Variants in SYNPO2 observed in about 807,000 individuals in gnomAD.
SYNPO2 encodes synaptopodin 2.
SYNPO2 carries 56 observed loss-of-function variants against 85.0 expected under a neutral mutation model. The ratio of observed to expected loss-of-function variants is 0.66; its 90% CI spans 0.53 to 0.82. The LOEUF (loss-of-function observed/expected upper bound fraction) is 0.82, where lower values mean the gene tolerates loss of function less well. Among genes scored for constraint, SYNPO2 ranks in the 40% least tolerant of loss-of-function variants. SYNPO2 has a pLI of 0.00. For missense variants in SYNPO2, 1,575 were observed against 1,534.2 expected, an observed-to-expected ratio of 1.03 and a Z score of -0.44; for synonymous variants, 602 against 591.1, an observed-to-expected ratio of 1.02 and a Z score of -0.27.
At chr4:118,888,831 C>T, upstream of SYNPO2, 2 of 597,650 alleles carry the variant, frequency 3.3e-6, no homozygotes, top group South Asian at 2.0e-5. Context: ...GCCTCTGCCT[C>T]CTTGAGAATG....
intron 1 of SYNPO2, among the ~76,000 whole-genome samples, chr4:118,893,268 G>A (rs938772421): frequency 3.3e-5 from 5 of 152,130 alleles, no homozygotes; most frequent in Admixed American, 1.3e-4. Context: ...ATATTTTAAG[G>A]GAGGTTTCTG....
At chr4:118,907,664 C>T (rs1235307826) in intron 1 of SYNPO2, among the ~76,000 whole-genome samples, 2 of 151,976 alleles carry the variant, frequency 1.3e-5, no homozygotes, top group African/African-American at 2.4e-5. Flanking sequence ...TACTGTAAAC[C>T]CCTAAAATAA....
rs554854863 is a variant in SYNPO2, at chr4:118,940,238, G to A, written c.105+51097G>A. Among the ~76,000 whole-genome samples, 4 of 152,066 alleles carry A rather than the reference G, an allele frequency of 2.6e-5. No homozygotes were observed. In the South Asian group the frequency reaches 8.3e-4, roughly 32 times the overall value. ...CGACCTCATGATCCGTCCGTCTCAT[G>A]ATCCTCCCAAAGTGGTGGGATTACA... On this transcript the variant is annotated intron_variant, in intron 1 of 4. Coordinates refer to ENST00000307142, the MANE Select transcript of SYNPO2 (RefSeq NM_133477.3).
chr4:118,946,592 GC>G (rs1734513341), intron 1 of SYNPO2, among the ~76,000 whole-genome samples: 1 of 152,174 alleles, frequency 6.6e-6, no homozygotes, highest in African/African-American at 2.4e-5. Flanking sequence ...CTCGTTCTCT[GC>G]TGTATTCTAA....
At chr4:118,998,316 C>G (rs577325622) in intron 1 of SYNPO2, among the ~76,000 whole-genome samples, 1 of 152,272 alleles carries the variant, frequency 6.6e-6, no homozygotes, top group South Asian at 2.1e-4. Context: ...GTGAAACACA[C>G]TTTAAGGGCA....
chr4:119,042,911 A>C (rs1738758879), intron 4 of SYNPO2: 1 of 152,228 alleles, frequency 6.6e-6, no homozygotes, highest in Non-Finnish European at 1.5e-5. Context: ...ATGTTTGTAC[A>C]TTTACCAGTG....
intron 1 of SYNPO2, among the ~76,000 whole-genome samples, chr4:118,927,762 T>TG (rs1560874432): frequency 1.4e-4 from 11 of 79,998 alleles, no homozygotes; most frequent in Middle Eastern, 8.1e-3. Context: ...TAGATAGATA[T>TG]ATAGATAGAT....
chr4:119,017,966 A>G (rs1737582694), intron 1 of SYNPO2, among the ~76,000 whole-genome samples: 1 of 152,206 alleles, frequency 6.6e-6, no homozygotes, highest in Admixed American at 6.5e-5. Flanking sequence ...TGAAGAGAGA[A>G]CAACACAAGA....
chr4:119,009,468 T>C (rs1737208526), intron 1 of SYNPO2, among the ~76,000 whole-genome samples: 1 of 152,224 alleles, frequency 6.6e-6, no homozygotes. Flanking sequence ...GTTAATAATA[T>C]GGTTCCTTGT....
chr4:118,975,271 A>T (rs1336791157), intron 1 of SYNPO2, among the ~76,000 whole-genome samples: 1 of 152,206 alleles, frequency 6.6e-6, no homozygotes, highest in East Asian at 1.9e-4. Context: ...AGATCCCAAA[A>T]TCTATGTAGT....
intron 4 of SYNPO2, chr4:119,033,694 AT>A (rs1362437697): frequency 2.0e-6 from 2 of 985,282 alleles, no homozygotes; most frequent in Non-Finnish European, 2.4e-6. Flanking sequence ...AATCTGCTAT[AT>A]TTTTCACTAT....
At chr4:119,045,021 T>C (rs1395569396) in intron 4 of SYNPO2, among the ~76,000 whole-genome samples, 1 of 152,220 alleles carries the variant, frequency 6.6e-6, no homozygotes, top group Admixed American at 6.5e-5. Context: ...AATGTTATTG[T>C]GCAGAGGCCA....
intron 1 of SYNPO2, among the ~76,000 whole-genome samples, chr4:118,874,521 G>A (rs984488274): frequency 6.6e-6 from 1 of 152,164 alleles, no homozygotes; most frequent in African/African-American, 2.4e-5. Flanking sequence ...ATACAACTGT[G>A]CATCTGATAT....
intron 1 of SYNPO2, among the ~76,000 whole-genome samples, chr4:118,879,882 C>A (rs1236671012): frequency 6.6e-6 from 1 of 152,044 alleles, no homozygotes; most frequent in African/African-American, 2.4e-5. Flanking sequence ...CGAGACCCTG[C>A]AACCGTTTGC....
intron 3 of SYNPO2, among the ~76,000 whole-genome samples, chr4:119,028,151 G>A (rs886200808): frequency 6.6e-6 from 1 of 151,874 alleles, no homozygotes; most frequent in Non-Finnish European, 1.5e-5. Context: ...AAGACAGAAA[G>A]GAGAATTGGG....
chr4:118,945,230 T>C (rs1285106803), intron 1 of SYNPO2, among the ~76,000 whole-genome samples: 1 of 152,242 alleles, frequency 6.6e-6, no homozygotes, highest in Non-Finnish European at 1.5e-5. Context: ...CTGGTACTTT[T>C]TGCAGAGGAT....
intron 1 of SYNPO2, among the ~76,000 whole-genome samples, chr4:118,973,260 T>G (rs537654397): frequency 6.6e-6 from 1 of 152,298 alleles, no homozygotes; most frequent in South Asian, 2.1e-4. Context: ...ATACTATTAT[T>G]AAAATTATAG....
chr4:118,981,998 T>A (rs1414349774), intron 1 of SYNPO2, among the ~76,000 whole-genome samples: 1 of 152,184 alleles, frequency 6.6e-6, no homozygotes, highest in African/African-American at 2.4e-5. Context: ...GAGTGTGTTT[T>A]GACCAACTAA....
chr4:118,977,516 G>A (rs1735835859), intron 1 of SYNPO2, among the ~76,000 whole-genome samples: 1 of 152,230 alleles, frequency 6.6e-6, no homozygotes, highest in Admixed American at 6.5e-5. Flanking sequence ...GGGACTGAAG[G>A]GCTCCTCAAA....
Sources: gnomAD v4.1 joint callset for allele counts (sites outside exome capture counted in the v4.1 genomes callset) on GRCh38, gnomAD v4.1.1 for gene constraint, MANE v1.5 for transcripts, NCBI Gene and HGNC (gene_info 2026-07-23, HGNC 2026-07-21) for gene names.